The following OPCML variants were observed in gnomAD, a reference collection of about 807,000 sequenced individuals.
The protein encoded by OPCML is opioid binding protein/cell adhesion molecule like.
Under a neutral mutation model 37.8 loss-of-function variants are expected in OPCML, and 13 were observed. The observed-to-expected ratio is 0.34, with a 90% confidence interval of 0.22 to 0.55. The LOEUF (loss-of-function observed/expected upper bound fraction) is 0.55, where lower values mean the gene tolerates loss of function less well. OPCML is among the 20% of genes least tolerant of loss of function. The probability of loss-of-function intolerance (pLI) is 0.91; values close to 1 mark genes in which losing one functional copy is unlikely to be tolerated. For synonymous variants in OPCML, 176 were observed against 168.8 expected (o/e 1.04, Z -0.33); for missense variants, 341 against 435.6 (o/e 0.78, Z 1.93).
chr11:133,007,530 GGTGGGGAACTGAGCATTCA>G (rs769627433), intron 1 of OPCML: 55 of 985,300 alleles, frequency 5.6e-5, no homozygotes, highest in Non-Finnish European at 6.6e-5. Flanking sequence ...TGGAAGGCAG[GGTGGGGAACTGAGCATTCA>G]AAGGTGTTTG....
chr11:133,465,935 A>C (rs1946968540), intron 1 of OPCML, among the ~76,000 whole-genome samples: 7 of 152,220 alleles, frequency 4.6e-5, no homozygotes. Flanking sequence ...AATGTTTCTA[A>C]AGATTAAAGA....
At chr11:133,048,740 A>G (rs1208967514) in intron 1 of OPCML, among the ~76,000 whole-genome samples, 3 of 152,206 alleles carry the variant, frequency 2.0e-5, no homozygotes, top group East Asian at 1.9e-4. Flanking sequence ...GTTATGCCCC[A>G]GAGAGACACT....
At chr11:132,652,578 T>C (rs1239981904) in intron 3 of OPCML, among the ~76,000 whole-genome samples, 1 of 152,152 alleles carries the variant, frequency 6.6e-6, no homozygotes, top group East Asian at 1.9e-4. Flanking sequence ...GAGCTGCAGT[T>C]ACCTAATTTG....
At chr11:132,844,232 T>C (rs1941423317) in intron 2 of OPCML, among the ~76,000 whole-genome samples, 2 of 152,236 alleles carry the variant, frequency 1.3e-5, no homozygotes, top group African/African-American at 4.8e-5. Context: ...GTCTCGGGTA[T>C]GTCTTTATCA....
At chr11:132,430,239 G>A (rs2095992008) in intron 7 of OPCML, among the ~76,000 whole-genome samples, 1 of 152,156 alleles carries the variant, frequency 6.6e-6, no homozygotes, top group African/African-American at 2.4e-5. Context: ...CTGGGGATAG[G>A]TGTAGTTGTG....
At chr11:132,675,064 A>G (rs1004923556) in intron 2 of OPCML, among the ~76,000 whole-genome samples, 2 of 152,170 alleles carry the variant, frequency 1.3e-5, no homozygotes, top group Non-Finnish European at 2.9e-5. Flanking sequence ...GGCCATCTAG[A>G]CAGGTGAGTC....
chr11:132,665,167 G>T (rs1942164026), intron 2 of OPCML, among the ~76,000 whole-genome samples: 1 of 152,174 alleles, frequency 6.6e-6, no homozygotes, highest in Non-Finnish European at 1.5e-5. Context: ...CAACGTGAGG[G>T]CCTGCAACAT....
At chr11:133,136,828 C>CGTGTGT (rs141952561) in intron 1 of OPCML, among the ~76,000 whole-genome samples, 2,900 of 126,270 alleles carry the variant, frequency 0.023, 56 homozygotes, top group African/African-American at 0.036. Context: ...TCTATGTGCA[C>CGTGTGT]GTGTGTGTGT....
rs904763332 is a variant in OPCML, at chr11:132,699,325, A to G, written c.147-42006T>C. Among the ~76,000 whole-genome samples the G allele has an allele frequency of 5.3e-5, 8 of 152,164 alleles. No homozygotes were observed. In the South Asian group the frequency reaches 8.3e-4, roughly 16 times the overall value. ...AGACAATTTTACTTCTTCTTTTCCAATTTGAAACTCTTTTATTTCTTTTCT... is the reference window on the plus strand; with the variant it reads ...AGACAATTTTACTTCTTCTTTTCCAGTTTGAAACTCTTTTATTTCTTTTCT... On this transcript the variant is annotated intron_variant, in intron 2 of 7. Transcript: ENST00000524381.
intron 1 of OPCML, among the ~76,000 whole-genome samples, chr11:133,280,789 G>A (rs566021786): frequency 6.6e-6 from 1 of 152,268 alleles, no homozygotes; most frequent in South Asian, 2.1e-4. Context: ...ATCGGCAAGG[G>A]ATATGATGTT....
intron 1 of OPCML, among the ~76,000 whole-genome samples, chr11:133,475,209 T>TG (rs141075646): frequency 1.5e-5 from 2 of 135,090 alleles, no homozygotes; most frequent in Admixed American, 7.0e-5. Flanking sequence ...TTTGTTTTTG[T>TG]GGTTTTTTTT....
chr11:133,213,587 A>G (rs1364941857), intron 1 of OPCML, among the ~76,000 whole-genome samples: 2 of 152,178 alleles, frequency 1.3e-5, no homozygotes, highest in Admixed American at 6.5e-5. Context: ...TGACATTCTC[A>G]TAGCTCCTGT....
rs559531978 is a variant in OPCML at position 132,692,004 on chromosome 11, C to T, written c.147-34685G>A. Among the ~76,000 whole-genome samples the T allele has an allele frequency of 4.6e-5, 7 of 152,286 alleles. No individual in the cohort carries two copies. The South Asian group carries it at 1.5e-3, about 32-fold the overall frequency. Reference sequence around the variant, plus strand: ...TTTGTAGAATCATAAGCTTGCAGAACACGTGCTTCAATCAGCTGGCTGTGT... The same window carrying T: ...TTTGTAGAATCATAAGCTTGCAGAATACGTGCTTCAATCAGCTGGCTGTGT... On this transcript the variant is annotated intron_variant, in intron 2 of 7. Coordinates refer to ENST00000524381, the MANE Select transcript of OPCML (RefSeq NM_001012393.5).
At chr11:133,226,490 C>T (rs1466634392) in intron 1 of OPCML, among the ~76,000 whole-genome samples, 1 of 152,214 alleles carries the variant, frequency 6.6e-6, no homozygotes, top group South Asian at 2.1e-4. Context: ...AATTCCATCC[C>T]GACATGGCGG....
chr11:133,035,458 A>G (rs1947760567), intron 1 of OPCML, among the ~76,000 whole-genome samples: 1 of 152,188 alleles, frequency 6.6e-6, no homozygotes, highest in South Asian at 2.1e-4. Flanking sequence ...CTCCTCACAT[A>G]AAAAAGGCTA....
chr11:133,345,114 A>T (rs1422852383), intron 1 of OPCML, among the ~76,000 whole-genome samples: 1 of 152,200 alleles, frequency 6.6e-6, no homozygotes, highest in African/African-American at 2.4e-5. Flanking sequence ...AGAGGCCTAA[A>T]GTAACACTCT....
In OPCML at chr11:133,211,258, T is replaced by C. The variant is rs369491893; in HGVS notation, c.62-268248A>G. On this transcript the variant is annotated intron_variant, in intron 1 of 7. Transcript: ENST00000524381. This position sits in a 1 kb window ranked among gnomAD's most constrained non-coding sequence, Gnocchi z 4.1. ...GTCCCAGTGAGTGAGGTGGTGGACA[T>C]TTGTTATTTTTAGAGCCTCTAATTG... Among the ~76,000 whole-genome samples, 26 of 152,268 alleles carry C rather than the reference T, an allele frequency of 1.7e-4. No individual in the cohort carries two copies. Among genetic ancestry groups the C allele is most frequent in the African/African-American group, 5.5e-4 (23 of 41,556 alleles).
At chr11:133,472,796 T>A (rs1008165594) in intron 1 of OPCML, among the ~76,000 whole-genome samples, 1 of 152,000 alleles carries the variant, frequency 6.6e-6, no homozygotes, top group Non-Finnish European at 1.5e-5. Flanking sequence ...AAAATATCTA[T>A]GAACAGACCC....
At chr11:132,966,876 T>C (rs1372573840) in intron 1 of OPCML, among the ~76,000 whole-genome samples, 2 of 152,082 alleles carry the variant, frequency 1.3e-5, no homozygotes, top group African/African-American at 4.8e-5. Context: ...TTTTAATTCC[T>C]GTTTGCATGG....
Sources: allele counts gnomAD v4.1 joint callset (sites outside exome capture counted in the v4.1 genomes callset), GRCh38; gene constraint gnomAD v4.1.1; non-coding constraint Gnocchi (gnomAD v3.1); transcripts MANE v1.5; gene names NCBI Gene and HGNC (gene_info 2026-07-23, HGNC 2026-07-21).